The following PSMD3 variants were observed in gnomAD, a reference collection of about 807,000 sequenced individuals.
PSMD3 encodes the protein 26S proteasome non-ATPase regulatory subunit 3.
Under a neutral mutation model 62.8 loss-of-function variants are expected in PSMD3, and 5 were observed. That is an observed-to-expected ratio of 0.08 (90% CI 0.04 to 0.17). The LOEUF is 0.17. PSMD3 is among the 10% of genes least tolerant of loss of function. The probability of loss-of-function intolerance (pLI) is 1.00; values close to 1 mark genes in which losing one functional copy is unlikely to be tolerated. For missense variants in PSMD3, 524 were observed against 713.6 expected (o/e 0.73, Z 3.03); for synonymous variants, 265 against 283.9 (o/e 0.93, Z 0.67).
intron 6 of PSMD3, among the ~76,000 whole-genome samples, chr17:39,992,669 G>T (rs1980686058): frequency 6.6e-6 from 1 of 152,118 alleles, no homozygotes; most frequent in African/African-American, 2.4e-5. Flanking sequence ...TTCACTACCT[G>T]TGTTTTCCAT....
At chr17:39,982,629 G>C (rs1598310911) in intron 1 of PSMD3, among the ~76,000 whole-genome samples, 1 of 152,172 alleles carries the variant, frequency 6.6e-6, no homozygotes, top group East Asian at 1.9e-4. Context: ...TAATAGTACA[G>C]TACTTTATTG....
At chr17:39,990,710 C>T (rs750362359) in intron 6 of PSMD3, among the ~76,000 whole-genome samples, 12 of 152,270 alleles carry the variant, frequency 7.9e-5, no homozygotes, top group Middle Eastern at 3.4e-3. Context: ...CCTGATTCCC[C>T]AGCGCTCCTG....
chr17:39,995,325 AG>A lies in PSMD3; in HGVS notation c.1216+32del, dbSNP rs1430426180. ...GGATCAGGATCTGAGGGGCTGTTGG[AG>A]GAGCAGAAGCCAGGCCAGGGCAAAC... is the stretch of plus-strand genomic sequence containing the variant. On this transcript the variant is annotated intron_variant, in intron 8 of 11. Coordinates refer to ENST00000264639, the MANE Select transcript of PSMD3 (RefSeq NM_002809.4). The surrounding 1 kb of genome is among the most constrained non-coding windows in gnomAD (Gnocchi z 4.1). The A allele has an allele frequency of 1.2e-6, 2 of 1,613,984 alleles. No individual in the cohort carries two copies. The highest frequency in any genetic ancestry group is 2.2e-5 in the South Asian group (2 of 91,080).
rs780162633 is a variant in PSMD3 at position 39,990,149 on chromosome 17, C to T, written c.933C>T (p.Asn311=). The part of the protein sequence containing the change: ...EYSEARRTMT[N]ALRKAPQHTA... Reference sequence around the variant, plus strand: ...CAGAGGCCCGGAGAACGATGACCAACGCCCTTCGCAAGGCCCCTCAGCACA... The same window carrying T: ...CAGAGGCCCGGAGAACGATGACCAATGCCCTTCGCAAGGCCCCTCAGCACA... Residue 311 remains asparagine, a synonymous_variant, in exon 6 of 12, where the codon AAC becomes AAT. Coordinates refer to ENST00000264639, the MANE Select transcript of PSMD3 (RefSeq NM_002809.4). 1.3e-5 allele frequency: 21 copies of T among 1,613,956 alleles called. 1 individual carries two copies. Among genetic ancestry groups the T allele is most frequent in the South Asian group, 5.5e-5 (5 of 91,088 alleles).
chr17:39,993,983 C>T (rs3826330), intron 6 of PSMD3: 139,815 of 152,300 alleles, frequency 0.92, 64,263 homozygotes, highest in Middle Eastern at 0.96. Flanking sequence ...CCCCAGACTG[C>T]GGTCCCAACT....
Position 39,997,607 on chromosome 17 carries a change from G to T in PSMD3, c.*26G>T. On this transcript the variant is annotated 3_prime_UTR_variant, in exon 12 of 12. Coordinates refer to ENST00000264639, the MANE Select transcript of PSMD3 (RefSeq NM_002809.4). ...GCTGGGGGGCTGGGGAGGGGTAGGGGGAATGGGGACAGGCTCTTTCCCCCT... is the reference window on the plus strand; with the variant it reads ...GCTGGGGGGCTGGGGAGGGGTAGGGTGAATGGGGACAGGCTCTTTCCCCCT... 1 of 1,584,782 alleles carries T rather than the reference G, an allele frequency of 6.3e-7. No homozygotes were observed.
rs376444618 is a variant in PSMD3, at chr17:39,989,061, C to A, written c.686+242C>A. On this transcript the variant is annotated intron_variant, in intron 4 of 11. Transcript: ENST00000264639. ...CCAGGTTCTTCCCTTCACCCCACAT[C>A]AAGGTAGGACTGAGGGTGGGTTAGG... Among the ~76,000 whole-genome samples, 20 of 152,304 alleles carry A rather than the reference C, an allele frequency of 1.3e-4. No individual in the cohort carries two copies. In the East Asian group the frequency reaches 3.5e-3, roughly 26 times the overall value.
Position 39,996,443 on chromosome 17 carries a change from C to A in PSMD3, c.1476+105C>A. 7.0e-7 allele frequency: 1 copy of A among 1,424,152 alleles called. No homozygotes were observed. Among genetic ancestry groups the A allele is most frequent in the Non-Finnish European group, 9.6e-7 (1 of 1,041,940 alleles). 88.2% of individuals were successfully genotyped at this position (1,424,152 alleles called of 1,614,324 possible). On this transcript the variant is annotated intron_variant, in intron 10 of 11. Coordinates refer to ENST00000264639, the MANE Select transcript of PSMD3 (RefSeq NM_002809.4). This position sits in a 1 kb window ranked among gnomAD's most constrained non-coding sequence, Gnocchi z 5.1. ...CTGGCTTAATTTGTGGCCCACGTCC[C>A]AGCCAATCTCTGTAAAATCACTGAG... is the stretch of plus-strand genomic sequence containing the variant.
intron 6 of PSMD3, 128 bp from the exon 7 acceptor site, chr17:39,994,826 C>T (rs1030453811): frequency 1.3e-6 from 1 of 776,504 alleles, no homozygotes; most frequent in African/African-American, 1.7e-5. Context: ...TTCCTCCTCT[C>T]TCTGGGCCTA....
chr17:39,987,453 C>A (rs2144810472), intron 3 of PSMD3, among the ~76,000 whole-genome samples: 1 of 152,250 alleles, frequency 6.6e-6, no homozygotes, highest in African/African-American at 2.4e-5. Flanking sequence ...CTTAAGTGAT[C>A]CTTCCACCTC....
intron 3 of PSMD3, among the ~76,000 whole-genome samples, chr17:39,986,960 A>G (rs1980540920): frequency 6.6e-6 from 1 of 152,128 alleles, no homozygotes; most frequent in Non-Finnish European, 1.5e-5. Flanking sequence ...AGCGTAGTAC[A>G]TTCTTGGGGA....
At chr17:39,992,024 C>CAAAAAAAAAAAAAAAAAAA (rs59894264) in intron 6 of PSMD3, among the ~76,000 whole-genome samples, 18 of 102,042 alleles carry the variant, frequency 1.8e-4, no homozygotes, top group South Asian at 2.7e-4. Context: ...GACTCTGTCT[C>CAAAAAAAAAAAAAAAAAAA]AAAAAAAAAC....
chr17:39,987,551 C>T (rs749202843), intron 3 of PSMD3, among the ~76,000 whole-genome samples: 11 of 152,120 alleles, frequency 7.2e-5, no homozygotes, highest in Non-Finnish European at 1.5e-4. Flanking sequence ...ATTTCACCTT[C>T]TTGCCAAGCT....
intron 11 of PSMD3, 53 bp downstream of exon 11, chr17:39,997,433 G>C: frequency 6.9e-6 from 11 of 1,593,564 alleles, no homozygotes; most frequent in Non-Finnish European, 9.4e-6. Flanking sequence ...CCACACAGAA[G>C]GGGAGTCGGG....
At position 39,995,140 on chromosome 17, in the gene PSMD3, T is replaced by C. The variant is rs766165401; in HGVS notation, c.1097-36T>C. On this transcript the variant is annotated intron_variant, in intron 7 of 11. Transcript: ENST00000264639. This position sits in a 1 kb window ranked among gnomAD's most constrained non-coding sequence, Gnocchi z 4.1. ...GGGGCCTCTTACATGCCTGTGCCTA[T>C]TTGCATCATCCAATCTACTCCTGTT... 6.2e-7 allele frequency: 1 copy of C among 1,613,896 alleles called. No homozygotes were observed. Among genetic ancestry groups the C allele is most frequent in the African/African-American group, 1.3e-5 (1 of 74,868 alleles).
intron 1 of PSMD3, among the ~76,000 whole-genome samples, chr17:39,981,807 A>C (rs1364033872): frequency 6.6e-6 from 1 of 151,032 alleles, no homozygotes; most frequent in Non-Finnish European, 1.5e-5. Context: ...CACACTTAAA[A>C]CTTTTCGGGT....
At chr17:39,989,489 G>A (rs564058481) in intron 4 of PSMD3, among the ~76,000 whole-genome samples, 1 of 152,282 alleles carries the variant, frequency 6.6e-6, no homozygotes, top group African/African-American at 2.4e-5. Flanking sequence ...TCACACTGCA[G>A]GCTGTGCTTC....
chr17:39,994,824 C>T (rs1980742393), intron 6 of PSMD3, 130 bp from the exon 7 acceptor site: 2 of 752,860 alleles, frequency 2.7e-6, no homozygotes, highest in Admixed American at 2.6e-5. Flanking sequence ...GCTTCCTCCT[C>T]TCTCTGGGCC....
intron 6 of PSMD3, among the ~76,000 whole-genome samples, chr17:39,992,379 C>T (rs1432786999): frequency 6.6e-6 from 1 of 152,122 alleles, no homozygotes; most frequent in South Asian, 2.1e-4. Context: ...CCTCTGCCCT[C>T]ACACACCTTT....
Sources: gnomAD v4.1 joint callset for allele counts (sites outside exome capture counted in the v4.1 genomes callset) on GRCh38, gnomAD v4.1.1 for gene constraint, Gnocchi (gnomAD v3.1) non-coding constraint, MANE v1.5 for transcripts, NCBI Gene and HGNC (gene_info 2026-07-23, HGNC 2026-07-21) for gene names.